JAK2: variants seen among roughly 807,000 people sequenced by gnomAD.
The protein encoded by JAK2 is Janus kinase 2.
JAK2 carries 86 observed loss-of-function variants against 139.3 expected under a neutral mutation model. The ratio of observed to expected loss-of-function variants is 0.62; its 90% CI spans 0.52 to 0.74. The LOEUF (loss-of-function observed/expected upper bound fraction) is 0.74, where lower values mean the gene tolerates loss of function less well. Among genes scored for constraint, JAK2 ranks in the 30% least tolerant of loss-of-function variants. JAK2 has a pLI of 0.00. For missense variants in JAK2, 1,421 were observed against 1,360.3 expected, an observed-to-expected ratio of 1.04 and a Z score of -0.70; for synonymous variants, 490 against 437.7, an observed-to-expected ratio of 1.12 and a Z score of -1.49.
Position 5,059,543 on chromosome 9 carries a change from T to C in JAK2, c.1056+3755T>C, listed in dbSNP as rs193181528. Among the ~76,000 whole-genome samples, 482 of 152,284 alleles carry C rather than the reference T, an allele frequency of 3.2e-3. 3 individuals are homozygous for C. Among genetic ancestry groups the C allele is most frequent in the Non-Finnish European group, 5.1e-3 (350 of 67,998 alleles). On this transcript the variant is annotated intron_variant, in intron 8 of 24. Coordinates refer to ENST00000381652, the MANE Select transcript of JAK2 (RefSeq NM_004972.4). The stretch of plus-strand genomic sequence containing the variant: ...GAACATTCTTATACATATTTTTTGG[T>C]GGACTTATGCACTCTTTTTTTGTAT...
chr9:5,048,811 CAAGAG>C (rs1817210502), intron 5 of JAK2, among the ~76,000 whole-genome samples: 1 of 152,090 alleles, frequency 6.6e-6, no homozygotes, highest in Non-Finnish European at 1.5e-5. Flanking sequence ...GTTATTACAT[CAAGAG>C]AAGAGAAATA....
At chr9:5,040,046 T>A (rs1412678973) in intron 4 of JAK2, among the ~76,000 whole-genome samples, 1 of 152,206 alleles carries the variant, frequency 6.6e-6, no homozygotes, top group East Asian at 1.9e-4. Context: ...TTATACTTCC[T>A]AATTACAAAA....
At chr9:5,081,578 C>T (rs1034391638) in intron 18 of JAK2, 147 bp from the exon 19 acceptor site, 3 of 590,902 alleles carry the variant, frequency 5.1e-6, no homozygotes, top group Admixed American at 5.9e-5. Context: ...TAAAGGCTCC[C>T]ATTAATATAA....
chr9:5,123,339 C>T (rs1172288586), intron 23 of JAK2, among the ~76,000 whole-genome samples: 3 of 151,968 alleles, frequency 2.0e-5, no homozygotes, highest in Admixed American at 2.0e-4. Context: ...TCTCTATTGT[C>T]TATCATTCCA....
intron 22 of JAK2, chr9:5,101,141 G>C (rs1821449107): frequency 6.6e-6 from 1 of 152,298 alleles, no homozygotes; most frequent in South Asian, 2.1e-4. Flanking sequence ...GGGAAGCCAT[G>C]ACAGACTGTA....
Position 5,050,725 on chromosome 9 carries a change from G to A in JAK2, c.508G>A (p.Val170Met), listed in dbSNP as rs750298503. 1 of 1,613,832 alleles carries A rather than the reference G, an allele frequency of 6.2e-7. No homozygotes were observed. The highest frequency in any genetic ancestry group is 2.2e-5 in the East Asian group (1 of 44,866). ...TGTGCACGGATGGATAAAAGTACCT[G>A]TGACTCATGAAACACAGGAAGAATG... ...DFVHGWIKVP[V>M]THETQEECLG... The change falls in exon 6 of 25, where the codon GTG (valine) becomes ATG (methionine). Residue 170 changes from valine (V) to methionine (M), a missense_variant. By Grantham distance (21) the Val-to-Met change is conservative (BLOSUM62 1). Transcript: ENST00000381652.
chr9:5,085,523 C>T (rs1034958837), intron 19 of JAK2: 9 of 716,862 alleles, frequency 1.3e-5, no homozygotes, highest in African/African-American at 7.0e-5. Flanking sequence ...TCACCACACA[C>T]CAAATCTTCA....
At chr9:5,099,861 G>C (rs1056674320) in intron 22 of JAK2, 3 of 152,078 alleles carry the variant, frequency 2.0e-5, no homozygotes, top group Non-Finnish European at 4.4e-5. Flanking sequence ...CAATAAACCT[G>C]GGTATAGCAA....
At chr9:5,047,274 T>C (rs1395841972) in intron 5 of JAK2, among the ~76,000 whole-genome samples, 1 of 152,202 alleles carries the variant, frequency 6.6e-6, no homozygotes, top group Non-Finnish European at 1.5e-5. Context: ...TATCTTGACA[T>C]CTTTAAATAA....
chr9:5,114,434 C>T (rs1822953297), intron 22 of JAK2: 2 of 486,890 alleles, frequency 4.1e-6, no homozygotes, highest in South Asian at 3.6e-5. Context: ...CCTACCAGTG[C>T]AGGGTGACCC....
chr9:5,037,418 T>A (rs1816133337), intron 4 of JAK2, among the ~76,000 whole-genome samples: 4 of 152,338 alleles, frequency 2.6e-5, no homozygotes, highest in Admixed American at 1.3e-4. Context: ...GTATGTTTAT[T>A]GCGGCACTAT....
chr9:5,104,764 C>T (rs764369262), intron 22 of JAK2, among the ~76,000 whole-genome samples: 43 of 152,188 alleles, frequency 2.8e-4, no homozygotes, highest in Non-Finnish European at 5.4e-4. Flanking sequence ...ATTTGCAAAT[C>T]AATAAACGTA....
At chr9:5,121,363 T>C (rs1214611847) in intron 22 of JAK2, among the ~76,000 whole-genome samples, 1 of 152,228 alleles carries the variant, frequency 6.6e-6, no homozygotes, top group African/African-American at 2.4e-5. Context: ...GTAAGAAGAC[T>C]TGACAGCACT....
At chr9:5,002,876 G>C (rs1821007035) in intron 2 of JAK2, among the ~76,000 whole-genome samples, 2 of 151,878 alleles carry the variant, frequency 1.3e-5, no homozygotes, top group Admixed American at 6.6e-5. Context: ...AGGTCACATT[G>C]GTCTGTTTTC....
At chr9:5,049,441 T>C (rs1817261075) in intron 5 of JAK2, among the ~76,000 whole-genome samples, 1 of 152,234 alleles carries the variant, frequency 6.6e-6, no homozygotes, top group Non-Finnish European at 1.5e-5. Flanking sequence ...TCTATTTCTT[T>C]ACCCTGTTTT....
At chr9:5,053,634 T>C (rs775796167) in intron 6 of JAK2, among the ~76,000 whole-genome samples, 2 of 151,994 alleles carry the variant, frequency 1.3e-5, no homozygotes, top group African/African-American at 2.4e-5. Flanking sequence ...GAGGGATAAA[T>C]GGAAGGCAAG....
rs1408452504 is a variant in JAK2, at chr9:5,054,465, A to C, written c.615-98A>C. ...GGCCACTGTGTTGTAAGGCCTACTTAATCATGGAAAAAGGTGGTAACTTCT... is the reference window on the plus strand; with the variant it reads ...GGCCACTGTGTTGTAAGGCCTACTTCATCATGGAAAAAGGTGGTAACTTCT... On this transcript the variant is annotated intron_variant, in intron 6 of 24. Transcript: ENST00000381652. The surrounding 1 kb of genome is among the most constrained non-coding windows in gnomAD (Gnocchi z 4.9). The C allele has an allele frequency of 3.2e-5, 32 of 995,546 alleles. No individual in the cohort carries two copies. The highest frequency in any genetic ancestry group is 4.8e-5 in the Non-Finnish European group (32 of 667,442). The allele number at this position is 995,546 out of a possible 1,614,324, so 61.7% of individuals were successfully genotyped here.
Position 5,127,190 on chromosome 9 carries a change from T to TG in JAK2, c.*401dup, listed in dbSNP as rs1375088560. The stretch of plus-strand genomic sequence containing the variant: ...TTACCACAGTGGATGTATAATACCT[T>TG]GGCATCTTGTGTGATGTTTTACACA... On this transcript the variant is annotated 3_prime_UTR_variant, in exon 25 of 25. Transcript: ENST00000381652. 4.2e-5 allele frequency: 10 copies of TG among 235,642 alleles called. No homozygotes were observed. Among genetic ancestry groups the TG allele is most frequent in the African/African-American group, 2.2e-4 (10 of 45,430 alleles). 14.6% of individuals were successfully genotyped at this position (235,642 alleles called of 1,614,324 possible).
chr9:5,089,980 A>G (rs1445232025), intron 20 of JAK2, 117 bp downstream of exon 20: 1 of 552,442 alleles, frequency 1.8e-6, no homozygotes. Context: ...AGGGAGAGGC[A>G]TTCTATAATG....
Sources: allele counts gnomAD v4.1 joint callset (sites outside exome capture counted in the v4.1 genomes callset), GRCh38; gene constraint gnomAD v4.1.1; non-coding constraint Gnocchi (gnomAD v3.1); transcripts MANE v1.5; gene names NCBI Gene and HGNC (gene_info 2026-07-23, HGNC 2026-07-21).